Variants in EYS observed in about 807,000 individuals in gnomAD.
The protein encoded by EYS is protein eyes shut homolog.
A neutral mutation model predicts 282.1 loss-of-function variants in EYS; 250 were observed. The observed-to-expected ratio is 0.89, with a 90% confidence interval of 0.80 to 0.98. The LOEUF (loss-of-function observed/expected upper bound fraction) is 0.98. Among genes scored for constraint, EYS ranks in the 50% least tolerant of loss-of-function variants. The pLI, the probability that EYS is intolerant of heterozygous loss-of-function variation, is 0.00. For synonymous variants in EYS, 1,355 were observed against 1,282.9 expected (o/e 1.06, Z -1.20); for missense variants, 4,016 against 3,709.0 (o/e 1.08, Z -2.15).
chr6:64,365,946 G>T (rs1016776529), intron 29 of EYS, among the ~76,000 whole-genome samples: 7 of 152,010 alleles, frequency 4.6e-5, no homozygotes, highest in African/African-American at 1.7e-4. Context: ...AGAGTTCAGA[G>T]AATTATATTG....
chr6:63,900,507 C>T (rs1385868750), intron 35 of EYS, among the ~76,000 whole-genome samples: 3 of 152,188 alleles, frequency 2.0e-5, no homozygotes, highest in Non-Finnish European at 2.9e-5. Flanking sequence ...AGGATTGAGG[C>T]TGTGCACACG....
intron 35 of EYS, among the ~76,000 whole-genome samples, chr6:63,958,535 A>G (rs1765917764): frequency 6.6e-6 from 1 of 152,260 alleles, no homozygotes; most frequent in Non-Finnish European, 1.5e-5. Flanking sequence ...CAAATTATTC[A>G]GAAGATCTAA....
At chr6:65,509,083 G>C (rs1766769349) in intron 2 of EYS, among the ~76,000 whole-genome samples, 1 of 152,188 alleles carries the variant, frequency 6.6e-6, no homozygotes, top group Non-Finnish European at 1.5e-5. Flanking sequence ...GTAAACTGGA[G>C]ATGAAAATAA....
chr6:64,461,437 A>G (rs1418532000), intron 26 of EYS, among the ~76,000 whole-genome samples: 3 of 152,166 alleles, frequency 2.0e-5, no homozygotes, highest in Non-Finnish European at 4.4e-5. Context: ...TGCAATTCCC[A>G]ACATGGAGAT....
chr6:64,024,617 C>T (rs1301785246), intron 33 of EYS, among the ~76,000 whole-genome samples: 1 of 152,066 alleles, frequency 6.6e-6, no homozygotes, highest in Non-Finnish European at 1.5e-5. Context: ...TCTTTGGGTC[C>T]ACACTGCCTT....
intron 29 of EYS, among the ~76,000 whole-genome samples, chr6:64,369,682 T>A (rs1224631928): frequency 6.6e-6 from 1 of 152,058 alleles, no homozygotes; most frequent in Non-Finnish European, 1.5e-5. Context: ...ATAGCCACGA[T>A]ATCCCTGTTT....
intron 29 of EYS, among the ~76,000 whole-genome samples, chr6:64,372,077 A>G (rs983685000): frequency 7.0e-6 from 1 of 143,814 alleles, no homozygotes; most frequent in Non-Finnish European, 1.5e-5. Context: ...GCTGGTTATT[A>G]TGCAGACTTG....
At chr6:64,512,578 G>C (rs1036518306) in intron 26 of EYS, among the ~76,000 whole-genome samples, 1 of 151,826 alleles carries the variant, frequency 6.6e-6, no homozygotes, top group Non-Finnish European at 1.5e-5. Context: ...CCTTGGGAAA[G>C]AGAGTTGAAG....
intron 41 of EYS, among the ~76,000 whole-genome samples, chr6:63,731,426 T>A (rs1315927023): frequency 6.6e-6 from 1 of 152,228 alleles, no homozygotes. Flanking sequence ...TCCTTTCTTA[T>A]ATCTATTGCA....
At position 65,295,984 on chromosome 6, in the gene EYS, T is replaced by C. The variant is rs1768652347; in HGVS notation, c.1902A>G (p.Arg634=). The C allele has an allele frequency of 1.3e-6, 2 of 1,551,290 alleles. No homozygotes were observed. Among genetic ancestry groups the C allele is most frequent in the Non-Finnish European group, 1.7e-6 (2 of 1,146,590 alleles). The change falls in exon 12 of 43, where the codon AGA becomes AGG. Residue 634 remains arginine, a synonymous_variant. Transcript: ENST00000503581. ...CTATCTCACAGATGTTCCTTTCATATCTTTGCAGACCGCTACAGTTACAAT... is the reference window on the plus strand; with the variant it reads ...CTATCTCACAGATGTTCCTTTCATACCTTTGCAGACCGCTACAGTTACAAT... ...SHNCNCSGLQ[R]YERNICEIDT...
chr6:64,178,643 C>T (rs1764702442), intron 31 of EYS, among the ~76,000 whole-genome samples: 1 of 152,030 alleles, frequency 6.6e-6, no homozygotes, highest in Non-Finnish European at 1.5e-5. Context: ...TATGAATTCA[C>T]TTTCCTCCTC....
chr6:65,079,788 A>G (rs1014865223), intron 12 of EYS, among the ~76,000 whole-genome samples: 1 of 152,084 alleles, frequency 6.6e-6, no homozygotes, highest in African/African-American at 2.4e-5. Context: ...ATCTTCATAC[A>G]CATCTGCTTC....
At chr6:65,510,263 G>A (rs1477810208) in intron 2 of EYS, among the ~76,000 whole-genome samples, 3 of 145,420 alleles carry the variant, frequency 2.1e-5, no homozygotes, top group Admixed American at 7.1e-5. Flanking sequence ...TGGGAATTGC[G>A]GTGTTTGGTT....
At chr6:65,694,341 T>C (rs914235580) in intron 1 of EYS, among the ~76,000 whole-genome samples, 1 of 149,978 alleles carries the variant, frequency 6.7e-6, no homozygotes, top group South Asian at 2.1e-4. Context: ...TAAATATTTT[T>C]AAATTTAGTA....
intron 22 of EYS, among the ~76,000 whole-genome samples, chr6:64,666,593 C>T (rs1769236369): frequency 6.6e-6 from 1 of 152,158 alleles, no homozygotes; most frequent in Non-Finnish European, 1.5e-5. Flanking sequence ...GTCTTCTTTT[C>T]ATTAAATTAT....
At chr6:65,671,323 T>G (rs569559048) in intron 1 of EYS, among the ~76,000 whole-genome samples, 1 of 152,258 alleles carries the variant, frequency 6.6e-6, no homozygotes, top group South Asian at 2.1e-4. Flanking sequence ...TTAAAAACAT[T>G]ACATTGGTAA....
At chr6:64,054,028 C>A (rs1663909490) in intron 33 of EYS, among the ~76,000 whole-genome samples, 1 of 152,178 alleles carries the variant, frequency 6.6e-6, no homozygotes, top group African/African-American at 2.4e-5. Flanking sequence ...AACATTTCAA[C>A]CCTTATATAC....
intron 29 of EYS, among the ~76,000 whole-genome samples, chr6:64,318,660 G>T (rs540498827): frequency 1.8e-4 from 27 of 151,292 alleles, no homozygotes; most frequent in Middle Eastern, 3.4e-3. Context: ...CAATTTTTTT[G>T]GAGTTGAAAT....
chr6:65,061,278 T>C (rs1773566967), intron 12 of EYS, among the ~76,000 whole-genome samples: 1 of 151,968 alleles, frequency 6.6e-6, no homozygotes, highest in Non-Finnish European at 1.5e-5. Flanking sequence ...TAAGCATAAG[T>C]AGTTTGAACA....
Sources: gnomAD v4.1 joint callset for allele counts (sites outside exome capture counted in the v4.1 genomes callset) on GRCh38, gnomAD v4.1.1 for gene constraint, MANE v1.5 for transcripts, NCBI Gene and HGNC (gene_info 2026-07-23, HGNC 2026-07-21) for gene names.